PEAK1: variants seen among roughly 807,000 people sequenced by gnomAD.
The protein encoded by PEAK1 is inactive tyrosine-protein kinase PEAK1.
PEAK1 carries 54 observed loss-of-function variants against 124.7 expected under a neutral mutation model. The ratio of observed to expected loss-of-function variants is 0.43; its 90% CI spans 0.35 to 0.54. The LOEUF (loss-of-function observed/expected upper bound fraction) is 0.54, where lower values mean the gene tolerates loss of function less well. PEAK1 is among the 20% of genes least tolerant of loss of function. The pLI is 0.01. For missense variants in PEAK1, 2,046 were observed against 2,134.5 expected (o/e 0.96, Z 0.82); for synonymous variants, 719 against 760.0 (o/e 0.95, Z 0.89).
intron 1 of PEAK1, among the ~76,000 whole-genome samples, chr15:77,392,146 C>T (rs1277375031): frequency 1.3e-5 from 2 of 152,134 alleles, no homozygotes; most frequent in Non-Finnish European, 2.9e-5. Context: ...GCATTTAGCA[C>T]CAGGCTTGTC....
At chr15:77,252,282 T>C (rs1371354253) in intron 6 of PEAK1, 85 bp downstream of exon 6, 1 of 785,856 alleles carries the variant, frequency 1.3e-6, no homozygotes, top group African/African-American at 1.9e-5. Flanking sequence ...GCATTTAAGT[T>C]AAACATTTAA....
intron 5 of PEAK1, among the ~76,000 whole-genome samples, chr15:77,253,709 AT>A (rs2060991830): frequency 6.6e-6 from 1 of 151,858 alleles, no homozygotes; most frequent in Admixed American, 6.6e-5. Flanking sequence ...TCATTCCATA[AT>A]TTTTTGTCTT....
intron 5 of PEAK1, among the ~76,000 whole-genome samples, chr15:77,265,063 TG>T (rs1190589237): frequency 1.3e-5 from 2 of 152,218 alleles, no homozygotes; most frequent in Non-Finnish European, 2.9e-5. Context: ...TGTAGAAAGC[TG>T]AAACTGGATC....
At chr15:77,417,325 T>C (rs2072958233) in intron 1 of PEAK1, 1 of 979,122 alleles carries the variant, frequency 1.0e-6, no homozygotes, top group Admixed American at 6.2e-5. Flanking sequence ...GTAAACTATC[T>C]ATTCCTGGCC....
intron 2 of PEAK1, among the ~76,000 whole-genome samples, chr15:77,361,065 A>C (rs2067856858): frequency 6.6e-6 from 1 of 152,196 alleles, no homozygotes; most frequent in African/African-American, 2.4e-5. Flanking sequence ...TGACACAATC[A>C]ACAGAGTGAA....
At chr15:77,234,681 TA>T (rs1303193942) in intron 6 of PEAK1, among the ~76,000 whole-genome samples, 1 of 151,794 alleles carries the variant, frequency 6.6e-6, no homozygotes, top group Non-Finnish European at 1.5e-5. Context: ...TTTTTTAATT[TA>T]AAAAAAATTT....
intron 1 of PEAK1, among the ~76,000 whole-genome samples, chr15:77,409,777 AAC>A (rs1473186908): frequency 6.6e-6 from 1 of 152,242 alleles, no homozygotes; most frequent in Non-Finnish European, 1.5e-5. Context: ...TTTTTAGAAT[AAC>A]AGTTAAAAAC....
intron 6 of PEAK1, among the ~76,000 whole-genome samples, chr15:77,212,893 G>A (rs146497160): frequency 6.6e-6 from 1 of 152,198 alleles, no homozygotes; most frequent in African/African-American, 2.4e-5. Context: ...TCTTATACCT[G>A]ATGTCTCTTA....
At chr15:77,404,685 T>A in intron 1 of PEAK1, 1 of 952,648 alleles carries the variant, frequency 1.0e-6, no homozygotes, top group Non-Finnish European at 1.2e-6. Flanking sequence ...TCTGCTGTAC[T>A]AATATATTTG....
At chr15:77,278,773 G>A in intron 5 of PEAK1, 1 of 422,918 alleles carries the variant, frequency 2.4e-6, no homozygotes, top group Non-Finnish European at 4.5e-6. Context: ...TACTTCTGGT[G>A]ACTATACAGT....
At chr15:77,238,669 G>A (rs547425174) in intron 6 of PEAK1, among the ~76,000 whole-genome samples, 116 of 152,248 alleles carry the variant, frequency 7.6e-4, no homozygotes, top group African/African-American at 2.5e-3. Flanking sequence ...AGCATGAGTC[G>A]GGGGAGAAAG....
At chr15:77,165,677 G>A (rs544540587) in intron 7 of PEAK1, among the ~76,000 whole-genome samples, 10 of 152,124 alleles carry the variant, frequency 6.6e-5, no homozygotes, top group African/African-American at 2.2e-4. Context: ...CAGGCTGACC[G>A]AGGAAATGGA....
intron 2 of PEAK1, chr15:77,352,965 G>A: frequency 2.0e-6 from 2 of 985,366 alleles, no homozygotes; most frequent in Non-Finnish European, 2.4e-6. Flanking sequence ...CTACAGAGAT[G>A]CATTACCCTC....
chr15:77,148,043 G>T (rs910853135), intron 8 of PEAK1, among the ~76,000 whole-genome samples: 7 of 152,182 alleles, frequency 4.6e-5, no homozygotes, highest in Non-Finnish European at 1.0e-4. Context: ...TAATAATTCA[G>T]TTATGAACAA....
At chr15:77,257,909 G>A (rs1596940217) in intron 5 of PEAK1, among the ~76,000 whole-genome samples, 1 of 152,158 alleles carries the variant, frequency 6.6e-6, no homozygotes, top group South Asian at 2.1e-4. Flanking sequence ...TTTGTATAAG[G>A]TGTAAGGAAG....
chr15:77,365,531 T>C lies in PEAK1; in HGVS notation c.-665-306A>G, dbSNP rs1479626884. On this transcript the variant is annotated intron_variant, in intron 1 of 9. Coordinates refer to ENST00000682557, the MANE Select transcript of PEAK1 (RefSeq NM_001385026.1). ...GGTGGGCGGGTCACCTGAGGTCAGGTGTTTGAGAGCAACCTGGCCAATGTG... is the reference window on the plus strand; with the variant it reads ...GGTGGGCGGGTCACCTGAGGTCAGGCGTTTGAGAGCAACCTGGCCAATGTG... 2.0e-5 allele frequency among the ~76,000 whole-genome samples: 3 copies of C among 152,066 alleles called. No homozygotes were observed. The East Asian group carries it at 5.8e-4, about 29-fold the overall frequency.
At chr15:77,154,033 G>T (rs2054897362) in intron 8 of PEAK1, among the ~76,000 whole-genome samples, 1 of 152,044 alleles carries the variant, frequency 6.6e-6, no homozygotes, top group Admixed American at 6.6e-5. Flanking sequence ...CAATTCCTGG[G>T]TATCCCTGTT....
At chr15:77,389,415 C>T (rs904282863) in intron 1 of PEAK1, among the ~76,000 whole-genome samples, 15 of 152,156 alleles carry the variant, frequency 9.9e-5, no homozygotes, top group Admixed American at 5.2e-4. Flanking sequence ...AATTATTTGA[C>T]CTTTCTGAGC....
chr15:77,232,922 T>G (rs2059967610), intron 6 of PEAK1, among the ~76,000 whole-genome samples: 1 of 152,146 alleles, frequency 6.6e-6, no homozygotes. Context: ...ATTTTTTGTA[T>G]TTTTAGTACA....
Sources: gnomAD v4.1 joint callset for allele counts (sites outside exome capture counted in the v4.1 genomes callset) on GRCh38, gnomAD v4.1.1 for gene constraint, MANE v1.5 for transcripts, NCBI Gene and HGNC (gene_info 2026-07-23, HGNC 2026-07-21) for gene names.